The following CEP70 variants were observed in gnomAD, a reference collection of about 807,000 sequenced individuals.
The protein encoded by CEP70 is centrosomal protein of 70 kDa.
CEP70 carries 70 observed loss-of-function variants against 90.9 expected under a neutral mutation model. The ratio of observed to expected loss-of-function variants is 0.77; its 90% CI spans 0.64 to 0.94. The LOEUF is 0.94. Ranked by LOEUF, CEP70 falls within the 40% of genes least tolerant of loss-of-function variation. The pLI is 0.00. For synonymous variants in CEP70, 220 were observed against 228.3 expected (o/e 0.96, Z 0.33); for missense variants, 648 against 669.0 (o/e 0.97, Z 0.35).
chr3:138,517,213 C>G (rs1217600504), intron 11 of CEP70, among the ~76,000 whole-genome samples: 1 of 152,126 alleles, frequency 6.6e-6, no homozygotes, highest in Non-Finnish European at 1.5e-5. Context: ...AGGCAACTAC[C>G]TTTTTTGTTC....
At chr3:138,543,673 T>G (rs1214050373) in intron 6 of CEP70, among the ~76,000 whole-genome samples, 2 of 152,168 alleles carry the variant, frequency 1.3e-5, no homozygotes, top group Non-Finnish European at 2.9e-5. Context: ...GCTGGCTTCC[T>G]TACAGCAGCT....
At chr3:138,519,556 C>T (rs577978308) in intron 11 of CEP70, among the ~76,000 whole-genome samples, 4 of 152,230 alleles carry the variant, frequency 2.6e-5, no homozygotes, top group South Asian at 4.1e-4. Flanking sequence ...GAATTTTCAA[C>T]CCAGAATTTC....
At chr3:138,581,820 A>G (rs2041876542) in intron 2 of CEP70, among the ~76,000 whole-genome samples, 1 of 152,046 alleles carries the variant, frequency 6.6e-6, no homozygotes, top group Non-Finnish European at 1.5e-5. Context: ...AGAAAGCTGT[A>G]GAAAACTAAG....
chr3:138,584,461 C>CAAAA (rs35985463), intron 2 of CEP70, among the ~76,000 whole-genome samples: 12 of 92,096 alleles, frequency 1.3e-4, no homozygotes, highest in South Asian at 3.6e-4. Context: ...AAAGACATAT[C>CAAAA]AAAAAAAAAA....
chr3:138,584,793 A>G (rs2042032022), intron 2 of CEP70, among the ~76,000 whole-genome samples: 1 of 152,110 alleles, frequency 6.6e-6, no homozygotes, highest in Admixed American at 6.5e-5. Flanking sequence ...TATAAAAGGA[A>G]CATACCTCCA....
chr3:138,502,421 C>A (rs1658528283), intron 13 of CEP70, among the ~76,000 whole-genome samples: 1 of 152,056 alleles, frequency 6.6e-6, no homozygotes, highest in African/African-American at 2.4e-5. Context: ...AAGGCTCAGA[C>A]TTCACATATT....
At chr3:138,518,966 C>G (rs1283093156) in intron 11 of CEP70, among the ~76,000 whole-genome samples, 1 of 152,044 alleles carries the variant, frequency 6.6e-6, no homozygotes, top group African/African-American at 2.4e-5. Flanking sequence ...ACTAGAATAA[C>G]CAATGCAGAG....
At chr3:138,565,335 G>GA (rs1457835354) in intron 6 of CEP70, among the ~76,000 whole-genome samples, 5 of 152,082 alleles carry the variant, frequency 3.3e-5, no homozygotes, top group East Asian at 3.9e-4. Flanking sequence ...CACAGAATTG[G>GA]AAAAAAACTA....
rs775726775 is a variant in CEP70 at position 138,494,999 on chromosome 3, A to G, written c.*16T>C. The G allele has an allele frequency of 1.4e-5, 18 of 1,311,598 alleles. No individual in the cohort carries two copies. The highest frequency in any genetic ancestry group is 4.8e-5 in the African/African-American group (3 of 62,086). The allele number at this position is 1,311,598 out of a possible 1,614,324, so 81.2% of individuals were successfully genotyped here. On this transcript the variant is annotated 3_prime_UTR_variant, in exon 18 of 18. Coordinates refer to ENST00000264982, the MANE Select transcript of CEP70 (RefSeq NM_024491.4). Reference sequence around the variant, plus strand: ...TAAGAATACAATTTACACAGTAAAAATGATTTGATTTGTTTTCAGTATGAA... The same window carrying G: ...TAAGAATACAATTTACACAGTAAAAGTGATTTGATTTGTTTTCAGTATGAA...
intron 6 of CEP70, among the ~76,000 whole-genome samples, chr3:138,546,909 G>A (rs1486958509): frequency 2.0e-5 from 3 of 152,160 alleles, no homozygotes; most frequent in Non-Finnish European, 4.4e-5. Context: ...CTAAGCACAT[G>A]TTCATGTGCC....
chr3:138,556,483 G>C (rs1487302090), intron 6 of CEP70, among the ~76,000 whole-genome samples: 1 of 129,452 alleles, frequency 7.7e-6, no homozygotes, highest in South Asian at 2.5e-4. Context: ...AGCTTAGATT[G>C]TGCCACTGCA....
At chr3:138,565,446 A>G (rs2040712782) in intron 6 of CEP70, among the ~76,000 whole-genome samples, 1 of 152,250 alleles carries the variant, frequency 6.6e-6, no homozygotes, top group Non-Finnish European at 1.5e-5. Flanking sequence ...ACTATGGTAC[A>G]AGGCTATATA....
At chr3:138,530,764 T>A (rs1371055440) in intron 8 of CEP70, 1 of 985,402 alleles carries the variant, frequency 1.0e-6, no homozygotes, top group Non-Finnish European at 1.2e-6. Flanking sequence ...AATTGTTACA[T>A]CCTCCTGTTA....
At chr3:138,529,963 A>G (rs548789760) in intron 8 of CEP70, among the ~76,000 whole-genome samples, 1 of 152,348 alleles carries the variant, frequency 6.6e-6, no homozygotes, top group East Asian at 1.9e-4. Context: ...AACTAGTTGT[A>G]TTATTTGAAT....
chr3:138,516,625 A>C (rs1025358733), intron 11 of CEP70, among the ~76,000 whole-genome samples: 1 of 152,056 alleles, frequency 6.6e-6, no homozygotes, highest in African/African-American at 2.4e-5. Flanking sequence ...GACTCAAGCA[A>C]TCCTCCTGCC....
At chr3:138,535,552 A>T (rs912844089) in intron 7 of CEP70, among the ~76,000 whole-genome samples, 1 of 152,164 alleles carries the variant, frequency 6.6e-6, no homozygotes, top group South Asian at 2.1e-4. Flanking sequence ...TAATATCTGT[A>T]GTGGCTACAA....
chr3:138,585,654 A>C (rs760594222), intron 2 of CEP70, among the ~76,000 whole-genome samples: 1 of 152,208 alleles, frequency 6.6e-6, no homozygotes, highest in Non-Finnish European at 1.5e-5. Context: ...GCAGAGCTAT[A>C]TTAACTAAAA....
chr3:138,578,642 A>T (rs13095125), intron 2 of CEP70, among the ~76,000 whole-genome samples: 6,443 of 152,308 alleles, frequency 0.042, 473 homozygotes, highest in East Asian at 0.38. Flanking sequence ...AGTCTCAGAA[A>T]ACAAACTGCC....
intron 2 of CEP70, among the ~76,000 whole-genome samples, chr3:138,580,158 T>G (rs1435565813): frequency 6.6e-6 from 1 of 152,024 alleles, no homozygotes; most frequent in Non-Finnish European, 1.5e-5. Flanking sequence ...GAAGAACCTT[T>G]TCTCATGGTT....
Sources: allele counts gnomAD v4.1 joint callset (sites outside exome capture counted in the v4.1 genomes callset), GRCh38; gene constraint gnomAD v4.1.1; transcripts MANE v1.5; gene names NCBI Gene and HGNC (gene_info 2026-07-23, HGNC 2026-07-21).